Variants in CYP19A1 observed in about 807,000 individuals in gnomAD.
CYP19A1 encodes the protein aromatase.
In CYP19A1, 32 loss-of-function variants were observed where a neutral mutation model predicts 44.4. That is an observed-to-expected ratio of 0.72 (90% confidence interval 0.54 to 0.97). The LOEUF (loss-of-function observed/expected upper bound fraction) is 0.97, where lower values mean the gene tolerates loss of function less well. Among genes scored for constraint, CYP19A1 ranks in the 50% least tolerant of loss-of-function variants. The pLI is 0.00. For missense variants in CYP19A1, 598 were observed against 637.8 expected (o/e 0.94, Z 0.67); for synonymous variants, 212 against 215.6 (o/e 0.98, Z 0.14).
At chr15:51,336,655 G>C (rs372743431) in intron 1 of CYP19A1, among the ~76,000 whole-genome samples, 2 of 152,162 alleles carry the variant, frequency 1.3e-5, no homozygotes, top group Non-Finnish European at 2.9e-5. Context: ...ACTAAAGTTG[G>C]GGTATATTCT....
chr15:51,280,900 G>A (rs1244293419), intron 1 of CYP19A1, among the ~76,000 whole-genome samples: 2 of 152,188 alleles, frequency 1.3e-5, no homozygotes, highest in Non-Finnish European at 2.9e-5. Flanking sequence ...CAGCCCACAT[G>A]AGCTCCATAT....
At position 51,210,862 on chromosome 15, in the gene CYP19A1, G is replaced by A. The variant is rs1380261840; in HGVS notation, c.1458C>T (p.Asn486=). 2 of 1,592,704 alleles carry A rather than the reference G, an allele frequency of 1.3e-6. No homozygotes were observed. The highest frequency in any genetic ancestry group is 1.3e-5 in the African/African-American group (1 of 74,582). ...DLSLHPDETK[N]MLEMIFTPRN... Reference sequence around the variant, plus strand: ...TTGGGGTAAAGATCATTTCCAGCATGTTTTTAGTCTCATCTGGGTGCAAGG... The same window carrying A: ...TTGGGGTAAAGATCATTTCCAGCATATTTTTAGTCTCATCTGGGTGCAAGG... The change falls in exon 10 of 10, where the codon AAC becomes AAT. Residue 486 remains asparagine, a synonymous_variant. Coordinates refer to ENST00000396402, the MANE Select transcript of CYP19A1 (RefSeq NM_000103.4).
intron 1 of CYP19A1, among the ~76,000 whole-genome samples, chr15:51,252,457 A>G (rs1008183165): frequency 9.8e-5 from 15 of 152,336 alleles, no homozygotes; most frequent in African/African-American, 3.1e-4. Context: ...GTTATAAGAG[A>G]ATACAATTTC....
chr15:51,296,186 G>T (rs1186226254), intron 1 of CYP19A1, among the ~76,000 whole-genome samples: 1 of 152,078 alleles, frequency 6.6e-6, no homozygotes. Flanking sequence ...GGCCAGGGAA[G>T]GGGACAGACA....
rs568412179 is a variant in CYP19A1 at position 51,214,988 on chromosome 15, A to C, written c.1021+82T>G. ...CAAATTATAAAAAATTTCATGTTTG[A>C]TATCAGATTCTTAGGACATAAGAAA... On this transcript the variant is annotated intron_variant, in intron 8 of 9. Transcript: ENST00000396402. The C allele has an allele frequency of 2.0e-4, 307 of 1,534,632 alleles. 1 individual carries two copies. In the African/African-American group the frequency reaches 3.9e-3, roughly 19 times the overall value.
intron 1 of CYP19A1, among the ~76,000 whole-genome samples, chr15:51,283,117 A>ATG (rs1474661996): frequency 6.6e-6 from 1 of 151,958 alleles, no homozygotes; most frequent in Non-Finnish European, 1.5e-5. Context: ...TTTCAAACAG[A>ATG]TGATGAGGTA....
At chr15:51,262,152 C>T (rs8028111) in intron 1 of CYP19A1, among the ~76,000 whole-genome samples, 58,604 of 152,026 alleles carry the variant, frequency 0.39, 11,835 homozygotes, top group East Asian at 0.5. Context: ...CAAACAATAG[C>T]ATGAGCGATC....
intron 1 of CYP19A1, among the ~76,000 whole-genome samples, chr15:51,333,232 C>T (rs542745831): frequency 2.1e-4 from 32 of 152,278 alleles, no homozygotes; most frequent in African/African-American, 7.2e-4. Flanking sequence ...TTTGTCTGCT[C>T]TCTGGGCTCA....
At chr15:51,239,432 A>G (rs1269577312) in intron 2 of CYP19A1, among the ~76,000 whole-genome samples, 1 of 152,202 alleles carries the variant, frequency 6.6e-6, no homozygotes, top group Non-Finnish European at 1.5e-5. Flanking sequence ...AAACCATGAG[A>G]TATTTATATA....
At chr15:51,261,969 A>C (rs952205719) in intron 1 of CYP19A1, among the ~76,000 whole-genome samples, 2 of 152,196 alleles carry the variant, frequency 1.3e-5, no homozygotes, top group Admixed American at 6.5e-5. Flanking sequence ...CAGGCCCCCA[A>C]ATCTGGCCAT....
chr15:51,235,851 G>A (rs1595702181), intron 3 of CYP19A1, among the ~76,000 whole-genome samples: 1 of 152,178 alleles, frequency 6.6e-6, no homozygotes, highest in Admixed American at 6.5e-5. Context: ...TTAGTTTGTG[G>A]GTAAAGCGCT....
chr15:51,241,863 C>T (rs1237469576), intron 2 of CYP19A1, among the ~76,000 whole-genome samples: 1 of 152,068 alleles, frequency 6.6e-6, no homozygotes, highest in African/African-American at 2.4e-5. Context: ...TGTGCTAGCC[C>T]CATGCTCCCA....
intron 6 of CYP19A1, chr15:51,216,066 T>A: frequency 6.5e-6 from 4 of 613,818 alleles, no homozygotes; most frequent in Non-Finnish European, 1.0e-5. Context: ...CTGTGACTTC[T>A]AGTTAAGGGT....
chr15:51,266,650 C>T (rs569499247), intron 1 of CYP19A1, among the ~76,000 whole-genome samples: 27 of 152,358 alleles, frequency 1.8e-4, no homozygotes, highest in Non-Finnish European at 3.4e-4. Flanking sequence ...TTCCTAAAAA[C>T]AGCTCATCTC....
Position 51,283,019 on chromosome 15 carries a change from G to A in CYP19A1, c.-38-40069C>T, listed in dbSNP as rs562750195. ...TTGGATGAATGGGAGATAATTGGCA[G>A]AGATTTTAAAAAGGCGTATAAAGAT... On this transcript the variant is annotated intron_variant, in intron 1 of 9. Transcript: ENST00000396402. 6.6e-5 allele frequency among the ~76,000 whole-genome samples: 10 copies of A among 152,230 alleles called. No homozygotes were observed. In the East Asian group the frequency reaches 1.7e-3, roughly 26 times the overall value.
intron 1 of CYP19A1, among the ~76,000 whole-genome samples, chr15:51,268,488 C>A (rs2035008325): frequency 6.6e-6 from 1 of 150,888 alleles, no homozygotes; most frequent in East Asian, 1.9e-4. Flanking sequence ...TTTACCCATT[C>A]ACTTCTTAAG....
At chr15:51,253,817 A>G (rs1400802967) in intron 1 of CYP19A1, among the ~76,000 whole-genome samples, 1 of 152,204 alleles carries the variant, frequency 6.6e-6, no homozygotes, top group Non-Finnish European at 1.5e-5. Flanking sequence ...GAAGCTTGGT[A>G]CTGTTGACAA....
intron 1 of CYP19A1, among the ~76,000 whole-genome samples, chr15:51,317,703 G>C (rs1035232787): frequency 2.6e-5 from 4 of 152,210 alleles, no homozygotes; most frequent in Non-Finnish European, 4.4e-5. Context: ...GAGGGAATAT[G>C]ATGGAAGGTT....
At chr15:51,270,356 T>C (rs1200297778) in intron 1 of CYP19A1, among the ~76,000 whole-genome samples, 1 of 152,200 alleles carries the variant, frequency 6.6e-6, no homozygotes, top group African/African-American at 2.4e-5. Context: ...CTTCCTCCCC[T>C]ACCGCCTTAA....
Sources: gnomAD v4.1 joint callset for allele counts (sites outside exome capture counted in the v4.1 genomes callset) on GRCh38, gnomAD v4.1.1 for gene constraint, MANE v1.5 for transcripts, NCBI Gene and HGNC (gene_info 2026-07-23, HGNC 2026-07-21) for gene names.